The following TCF7L1 variants were observed in gnomAD, a reference collection of about 807,000 sequenced individuals.
TCF7L1 encodes the protein transcription factor 7-like 1.
Under a neutral mutation model 63.7 loss-of-function variants are expected in TCF7L1, and 18 were observed. That is an observed-to-expected ratio of 0.28 (90% CI 0.20 to 0.42). The LOEUF is 0.42. Ranked by LOEUF, TCF7L1 falls within the 10% of genes least tolerant of loss-of-function variation. TCF7L1 has a pLI of 1.00. For synonymous variants in TCF7L1, 355 were observed against 340.9 expected (o/e 1.04, Z -0.46); for missense variants, 654 against 779.3 (o/e 0.84, Z 1.91).
chr2:85,267,060 G>A (rs1680992131), intron 3 of TCF7L1, among the ~76,000 whole-genome samples: 1 of 152,212 alleles, frequency 6.6e-6, no homozygotes, highest in African/African-American at 2.4e-5. Flanking sequence ...GTTGGCCTTG[G>A]CCAGGTGTGG....
At chr2:85,221,768 T>C (rs1041678570) in intron 3 of TCF7L1, among the ~76,000 whole-genome samples, 1 of 152,126 alleles carries the variant, frequency 6.6e-6, no homozygotes, top group African/African-American at 2.4e-5. Context: ...GGGGGACATA[T>C]TCAAACCATG....
chr2:85,237,540 C>T (rs944216809), intron 3 of TCF7L1, among the ~76,000 whole-genome samples: 2 of 152,158 alleles, frequency 1.3e-5, no homozygotes, highest in Non-Finnish European at 2.9e-5. Flanking sequence ...ACATGCTTTT[C>T]CATCCTCAGA....
intron 3 of TCF7L1, among the ~76,000 whole-genome samples, chr2:85,168,863 C>T (rs1487696666): frequency 6.6e-6 from 1 of 152,174 alleles, no homozygotes; most frequent in East Asian, 1.9e-4. Flanking sequence ...TCATGTGATC[C>T]ACCCACCTCG....
intron 3 of TCF7L1, among the ~76,000 whole-genome samples, chr2:85,167,534 G>A (rs1678447574): frequency 6.6e-6 from 1 of 152,130 alleles, no homozygotes; most frequent in African/African-American, 2.4e-5. Flanking sequence ...TAAAGGAAAT[G>A]TGGGCTCTGC....
chr2:85,134,495 C>T lies in TCF7L1; in HGVS notation c.441+45C>T, dbSNP rs79381744. The T allele has an allele frequency of 1.5e-5, 23 of 1,541,404 alleles. No homozygotes were observed. The highest frequency in any genetic ancestry group is 6.0e-5 in the South Asian group (5 of 83,156). On this transcript the variant is annotated intron_variant, in intron 3 of 11. Coordinates refer to ENST00000282111, the MANE Select transcript of TCF7L1 (RefSeq NM_031283.3). The surrounding 1 kb of genome is among the most constrained non-coding windows in gnomAD (Gnocchi z 5.0). ...GCCGGGGAGGGTGGGAGGCCGCGGCCCGCAGGATGCGCCCCCGGGCTTGGC... is the reference window on the plus strand; with the variant it reads ...GCCGGGGAGGGTGGGAGGCCGCGGCTCGCAGGATGCGCCCCCGGGCTTGGC...
intron 3 of TCF7L1, among the ~76,000 whole-genome samples, chr2:85,156,636 G>A (rs1678153704): frequency 6.6e-6 from 1 of 152,210 alleles, no homozygotes; most frequent in Non-Finnish European, 1.5e-5. Context: ...TCCTGTGTAT[G>A]TTTGTAGTCT....
At chr2:85,263,544 A>C (rs1204270238) in intron 3 of TCF7L1, among the ~76,000 whole-genome samples, 1 of 152,172 alleles carries the variant, frequency 6.6e-6, no homozygotes, top group South Asian at 2.1e-4. Flanking sequence ...AGGTTTGTAC[A>C]ATACTCAGGG....
intron 3 of TCF7L1, among the ~76,000 whole-genome samples, chr2:85,171,929 C>T (rs1035035970): frequency 6.6e-6 from 1 of 152,082 alleles, no homozygotes; most frequent in Non-Finnish European, 1.5e-5. Context: ...TTCCCCCCTC[C>T]CCCCACACTG....
At chr2:85,182,209 A>G (rs1187217923) in intron 3 of TCF7L1, among the ~76,000 whole-genome samples, 2 of 152,170 alleles carry the variant, frequency 1.3e-5, no homozygotes, top group South Asian at 2.1e-4. Context: ...AAGCCTCTCC[A>G]TGAGGTCTGG....
At chr2:85,243,880 C>G (rs1192243612) in intron 3 of TCF7L1, among the ~76,000 whole-genome samples, 2 of 152,138 alleles carry the variant, frequency 1.3e-5, no homozygotes, top group Non-Finnish European at 2.9e-5. Flanking sequence ...AACAGCACCC[C>G]CTGGGGGTGG....
rs1293077360 is a variant in TCF7L1, at chr2:85,134,811, C to T, written c.441+361C>T. On this transcript the variant is annotated intron_variant, in intron 3 of 11. Transcript: ENST00000282111. This position sits in a 1 kb window ranked among gnomAD's most constrained non-coding sequence, Gnocchi z 5.0. ...CGGTCAGCTTTCTCTGGCAGTGGGG[C>T]AAGGGGCCTAGGGAGCTGGGTTGGC... Among the ~76,000 whole-genome samples, 1 of 152,112 alleles carries T rather than the reference C, an allele frequency of 6.6e-6. No individual in the cohort carries two copies. The highest frequency in any genetic ancestry group is 1.9e-4 in the East Asian group (1 of 5,174).
intron 3 of TCF7L1, among the ~76,000 whole-genome samples, chr2:85,218,642 G>GGT (rs1553400275): frequency 1.3e-5 from 2 of 150,832 alleles, no homozygotes; most frequent in Admixed American, 1.3e-4. Flanking sequence ...ATTCCAATGG[G>GGT]GGGGGGAAAA....
chr2:85,145,826 G>C (rs867670005), intron 3 of TCF7L1, among the ~76,000 whole-genome samples: 13 of 152,194 alleles, frequency 8.5e-5, no homozygotes, highest in Non-Finnish European at 7.3e-5. Flanking sequence ...CGGAGATGAT[G>C]CACATCTTTT....
chr2:85,285,190 G>A (rs1475094439), intron 4 of TCF7L1, among the ~76,000 whole-genome samples: 2 of 151,794 alleles, frequency 1.3e-5, no homozygotes, highest in East Asian at 1.9e-4. Context: ...CCGAGATCGC[G>A]CCACTGCACT....
At chr2:85,292,811 C>T (rs1207102732) in intron 4 of TCF7L1, among the ~76,000 whole-genome samples, 2 of 152,244 alleles carry the variant, frequency 1.3e-5, no homozygotes, top group East Asian at 3.9e-4. Context: ...CTCCTGGGCT[C>T]ACCCAATCTG....
intron 3 of TCF7L1, among the ~76,000 whole-genome samples, chr2:85,184,812 T>C (rs534290339): frequency 6.6e-6 from 1 of 152,162 alleles, no homozygotes; most frequent in African/African-American, 2.4e-5. Flanking sequence ...TCCCCTCTCT[T>C]CTACCTGGGC....
chr2:85,139,957 C>T (rs1038327647), intron 3 of TCF7L1, among the ~76,000 whole-genome samples: 5 of 151,782 alleles, frequency 3.3e-5, no homozygotes, highest in Admixed American at 1.3e-4. Context: ...GATTGGAGGA[C>T]GAGGACCTGG....
intron 3 of TCF7L1, among the ~76,000 whole-genome samples, chr2:85,143,009 A>C (rs189154022): frequency 4.6e-5 from 7 of 152,258 alleles, no homozygotes; most frequent in African/African-American, 1.7e-4. Flanking sequence ...GTATACTTCA[A>C]AGTTTGGAAA....
chr2:85,177,510 G>A (rs190695808), intron 3 of TCF7L1, among the ~76,000 whole-genome samples: 1 of 152,072 alleles, frequency 6.6e-6, no homozygotes, highest in African/African-American at 2.4e-5. Context: ...TTTGAAAGTG[G>A]CCTGGGCAAG....
Sources: allele counts gnomAD v4.1 joint callset (sites outside exome capture counted in the v4.1 genomes callset), GRCh38; gene constraint gnomAD v4.1.1; non-coding constraint Gnocchi (gnomAD v3.1); transcripts MANE v1.5; gene names NCBI Gene and HGNC (gene_info 2026-07-23, HGNC 2026-07-21).